CPXM2: variants seen among roughly 807,000 people sequenced by gnomAD.
The protein encoded by CPXM2 is carboxypeptidase X, M14 family member 2, also known as inactive carboxypeptidase-like protein X2.
Under a neutral mutation model 86.1 loss-of-function variants are expected in CPXM2, and 66 were observed. That is an observed-to-expected ratio of 0.77 (90% CI 0.63 to 0.94). The LOEUF (loss-of-function observed/expected upper bound fraction) is 0.94, where lower values mean the gene tolerates loss of function less well. Ranked by LOEUF, CPXM2 falls within the 40% of genes least tolerant of loss-of-function variation. The probability of loss-of-function intolerance (pLI) is 0.00; values close to 1 mark genes in which losing one functional copy is unlikely to be tolerated. For synonymous variants in CPXM2, 388 were observed against 400.2 expected (o/e 0.97, Z 0.36); for missense variants, 948 against 1,026.3 (o/e 0.92, Z 1.04).
intron 2 of CPXM2, among the ~76,000 whole-genome samples, chr10:123,917,897 G>A (rs570447485): frequency 1.7e-4 from 26 of 152,140 alleles, no homozygotes; most frequent in Non-Finnish European, 3.7e-4. Context: ...CTGGCTGCTG[G>A]GGATACAGTG....
chr10:123,850,931 G>A (rs1848586521), intron 3 of CPXM2, among the ~76,000 whole-genome samples: 1 of 152,152 alleles, frequency 6.6e-6, no homozygotes, highest in South Asian at 2.1e-4. Context: ...CTGCCAAACA[G>A]GTTTCCAAGT....
At chr10:123,804,735 G>A (rs1712934) in intron 4 of CPXM2, among the ~76,000 whole-genome samples, 870 of 152,298 alleles carry the variant, frequency 5.7e-3, no homozygotes, top group Non-Finnish European at 0.01. Flanking sequence ...GCTGAAAGAA[G>A]TGAATAACTG....
intron 4 of CPXM2, among the ~76,000 whole-genome samples, chr10:123,835,594 CTT>C (rs563134006): frequency 1.3e-5 from 2 of 152,316 alleles, no homozygotes; most frequent in Non-Finnish European, 2.9e-5. Context: ...AGTTTGGAAA[CTT>C]CTCTCTCCCC....
At chr10:123,850,929 C>G (rs1182956023) in intron 3 of CPXM2, among the ~76,000 whole-genome samples, 1 of 152,208 alleles carries the variant, frequency 6.6e-6, no homozygotes, top group East Asian at 1.9e-4. Flanking sequence ...TACTGCCAAA[C>G]AGGTTTCCAA....
At chr10:123,912,980 C>T (rs1945503005) in intron 2 of CPXM2, among the ~76,000 whole-genome samples, 2 of 152,210 alleles carry the variant, frequency 1.3e-5, no homozygotes, top group Admixed American at 1.3e-4. Flanking sequence ...GGGTAGTTCT[C>T]TGCTGAAAGA....
At chr10:123,866,331 A>T (rs1331973139) in intron 2 of CPXM2, among the ~76,000 whole-genome samples, 3 of 152,156 alleles carry the variant, frequency 2.0e-5, no homozygotes, top group South Asian at 4.1e-4. Context: ...TGGGAGGCCG[A>T]GGCAGGTGGA....
At chr10:123,943,847 C>G (rs1392495090), upstream of CPXM2, among the ~76,000 whole-genome samples, 1 of 152,180 alleles carries the variant, frequency 6.6e-6, no homozygotes, top group Non-Finnish European at 1.5e-5. Flanking sequence ...CCAGATGGAG[C>G]AGACAACCCC....
chr10:123,755,339 G>A (rs186926961), intron 12 of CPXM2, among the ~76,000 whole-genome samples: 141 of 152,298 alleles, frequency 9.3e-4, no homozygotes, highest in Non-Finnish European at 1.7e-3. Context: ...CAGGGGAAAG[G>A]AGAAAGGAGG....
chr10:123,935,369 C>T (rs1945705555), intron 2 of CPXM2, among the ~76,000 whole-genome samples: 1 of 152,096 alleles, frequency 6.6e-6, no homozygotes, highest in African/African-American at 2.4e-5. Context: ...TGGGAAAAGG[C>T]AATTGGGGAA....
At chr10:123,850,576 T>G (rs1848579627) in intron 3 of CPXM2, among the ~76,000 whole-genome samples, 1 of 152,212 alleles carries the variant, frequency 6.6e-6, no homozygotes, top group Non-Finnish European at 1.5e-5. Flanking sequence ...ATCTTGGTTA[T>G]CAAAGAGCTG....
In CPXM2 at chr10:123,848,560, A is replaced by G. The variant is rs534992258; in HGVS notation, c.514-6072T>C. The stretch of plus-strand genomic sequence containing the variant: ...ATTTAAAAGAAGAAAAGATGAAGAA[A>G]TATACTAACTGAAAAAGAAACAGGC... On this transcript the variant is annotated intron_variant, in intron 3 of 13. Coordinates refer to ENST00000241305, the MANE Select transcript of CPXM2 (RefSeq NM_198148.3). Among the ~76,000 whole-genome samples the G allele has an allele frequency of 4.6e-5, 7 of 152,396 alleles. 1 individual carries two copies. The highest frequency in any genetic ancestry group is 3.4e-3 in the Middle Eastern group (1 of 294).
rs77436471 is a variant in CPXM2, at chr10:123,813,116, C to T, written c.654-13917G>A. On this transcript the variant is annotated intron_variant, in intron 4 of 13. Transcript: ENST00000241305. ...TGTGAAACAGACGTGTGTAAAGATG[C>T]CACATTCATCTCTTAAAGATGTTTT... Among the ~76,000 whole-genome samples, 7 of 152,240 alleles carry T rather than the reference C, an allele frequency of 4.6e-5. No individual in the cohort carries two copies. The East Asian group carries it at 1.2e-3, about 25-fold the overall frequency.
At chr10:123,849,690 G>C (rs930267895) in intron 3 of CPXM2, among the ~76,000 whole-genome samples, 2 of 152,136 alleles carry the variant, frequency 1.3e-5, no homozygotes, top group Non-Finnish European at 2.9e-5. Flanking sequence ...TGGGATTACA[G>C]GTGTGAGCCA....
At chr10:123,860,902 TAA>T (rs1848836348) in intron 3 of CPXM2, among the ~76,000 whole-genome samples, 1 of 152,212 alleles carries the variant, frequency 6.6e-6, no homozygotes. Flanking sequence ...CGGATCTCCT[TAA>T]AGTTAGTTCT....
At chr10:123,788,462 T>C (rs1404800704) in intron 6 of CPXM2, among the ~76,000 whole-genome samples, 4 of 151,810 alleles carry the variant, frequency 2.6e-5, no homozygotes, top group African/African-American at 4.8e-5. Flanking sequence ...CTCCAGGAGG[T>C]TGCCTGCCCA....
At chr10:123,845,066 CAA>C (rs61013140) in intron 3 of CPXM2, among the ~76,000 whole-genome samples, 100 of 90,020 alleles carry the variant, frequency 1.1e-3, no homozygotes, top group African/African-American at 3.1e-3. Flanking sequence ...GACTCAGTCT[CAA>C]AAAAAAAAAA....
Position 123,746,625 on chromosome 10 carries a change from C to T in CPXM2, c.*139G>A, listed in dbSNP as rs987544216. Reference sequence around the variant, plus strand: ...CAGCCTCCAGCCTTCCCTTTTGGGACCTGCCTCACAATGCACCCTCTCTTC... The same window carrying T: ...CAGCCTCCAGCCTTCCCTTTTGGGATCTGCCTCACAATGCACCCTCTCTTC... On this transcript the variant is annotated 3_prime_UTR_variant, in exon 14 of 14. Transcript: ENST00000241305. 2.5e-6 allele frequency: 2 copies of T among 799,204 alleles called. No individual in the cohort carries two copies. The highest frequency in any genetic ancestry group is 5.0e-5 in the East Asian group (2 of 40,078). 49.5% of individuals were successfully genotyped at this position (799,204 alleles called of 1,614,324 possible).
At chr10:123,759,329 CT>C (rs1554873121) in intron 11 of CPXM2, among the ~76,000 whole-genome samples, 1 of 152,208 alleles carries the variant, frequency 6.6e-6, no homozygotes, top group Non-Finnish European at 1.5e-5. Flanking sequence ...CACTTCCACC[CT>C]TTTCGTCCTC....
At chr10:123,825,302 G>T (rs1219708) in intron 4 of CPXM2, among the ~76,000 whole-genome samples, 97,037 of 152,026 alleles carry the variant, frequency 0.64, 33,561 homozygotes, top group Non-Finnish European at 0.77. Context: ...CTTGGGTCAT[G>T]CATGATGAGT....
Sources: allele counts gnomAD v4.1 joint callset (sites outside exome capture counted in the v4.1 genomes callset), GRCh38; gene constraint gnomAD v4.1.1; transcripts MANE v1.5; gene names NCBI Gene and HGNC (gene_info 2026-07-23, HGNC 2026-07-21).